POMT2: variants seen among roughly 807,000 people sequenced by gnomAD.
The protein encoded by POMT2 is protein O-mannosyl-transferase 2.
In POMT2, 75 loss-of-function variants were observed where a neutral mutation model predicts 100.0. The ratio of observed to expected loss-of-function variants is 0.75; its 90% confidence interval spans 0.62 to 0.91. The LOEUF (loss-of-function observed/expected upper bound fraction) is 0.91, where lower values mean the gene tolerates loss of function less well. Ranked by LOEUF, POMT2 falls within the 40% of genes least tolerant of loss-of-function variation. POMT2 has a pLI of 0.00. For synonymous variants in POMT2, 378 were observed against 374.1 expected, an observed-to-expected ratio of 1.01 and a Z score of -0.12; for missense variants, 940 against 955.1, an observed-to-expected ratio of 0.98 and a Z score of 0.21.
At chr14:77,279,769 T>G (rs11625197) in intron 18 of POMT2, 54 bp downstream of exon 18, 1 of 1,551,078 alleles carries the variant, frequency 6.4e-7, no homozygotes, top group Non-Finnish European at 8.8e-7. Flanking sequence ...TCCCCAGGGG[T>G]GCAGGTGCCC....
intron 2 of POMT2, chr14:77,306,788 G>A (rs1369467013): frequency 6.1e-6 from 2 of 327,486 alleles, no homozygotes; most frequent in Admixed American, 8.6e-5. Flanking sequence ...ATAAAACACG[G>A]CAGCTCTTGG....
chr14:77,279,951 A>G (rs1283571411), intron 17 of POMT2, 23 bp from the exon 18 acceptor site: 3 of 1,614,062 alleles, frequency 1.9e-6, no homozygotes, highest in Non-Finnish European at 1.7e-6. Context: ...GGGAATGGGC[A>G]GATGAGAACG....
intron 9 of POMT2, among the ~76,000 whole-genome samples, chr14:77,293,558 C>T (rs59873394): frequency 6.6e-6 from 1 of 152,088 alleles, no homozygotes; most frequent in Admixed American, 6.5e-5. Context: ...TTTATAAATG[C>T]TATGCTTTAA....
intron 11 of POMT2, 97 bp downstream of exon 11, chr14:77,288,665 G>C: frequency 2.9e-6 from 3 of 1,038,006 alleles, no homozygotes; most frequent in East Asian, 2.6e-5. Context: ...CCATTGACCA[G>C]AGCCTCATCA....
chr14:77,297,195 G>C (rs1890863711), intron 8 of POMT2, among the ~76,000 whole-genome samples: 1 of 152,170 alleles, frequency 6.6e-6, no homozygotes, highest in Non-Finnish European at 1.5e-5. Flanking sequence ...TGAGTTCTCA[G>C]GCAGGCCAAC....
At chr14:77,287,812 C>A (rs1413834538) in intron 11 of POMT2, 1 of 152,094 alleles carries the variant, frequency 6.6e-6, no homozygotes, top group Non-Finnish European at 1.5e-5. Context: ...GGAGACACGA[C>A]CAATCTAGGA....
Position 77,288,792 on chromosome 14 carries a change from T to A in POMT2, c.1223A>T (p.His408Leu). 2 of 1,613,972 alleles carry A rather than the reference T, an allele frequency of 1.2e-6. No individual in the cohort carries two copies. Among genetic ancestry groups the A allele is most frequent in the Non-Finnish European group, 1.7e-6 (2 of 1,179,928 alleles). ...DPSFPVEFVR[H>L]GDIIRLEHKE... ...GTGTTCTAGTCGAATAATGTCTCCA[T>A]GTCTTACAAACTCCACTGGGAAGGA... The change falls in exon 11 of 21, where the codon CAT becomes CTT. Residue 408 changes from histidine (H) to leucine (L), a missense_variant. Transcript: ENST00000261534.
chr14:77,300,412 T>C (rs1187590157), intron 6 of POMT2: 2 of 154,730 alleles, frequency 1.3e-5, no homozygotes, highest in Non-Finnish European at 2.9e-5. Context: ...AATGAGATAA[T>C]GAAGGTAAAG....
intron 8 of POMT2, among the ~76,000 whole-genome samples, chr14:77,298,375 G>A (rs967203995): frequency 6.6e-6 from 1 of 152,176 alleles, no homozygotes; most frequent in Admixed American, 6.5e-5. Context: ...AAAGCGGTGC[G>A]GGAAACCAAA....
chr14:77,286,997 G>A (rs1890448679), intron 11 of POMT2, 175 bp from the exon 12 acceptor site: 2 of 1,336,774 alleles, frequency 1.5e-6, no homozygotes. Context: ...AATATCCTGA[G>A]AACTGGAGAA....
chr14:77,310,503 C>A (rs1238257439), intron 2 of POMT2, among the ~76,000 whole-genome samples: 1 of 152,172 alleles, frequency 6.6e-6, no homozygotes, highest in Non-Finnish European at 1.5e-5. Flanking sequence ...ATGTTCTACA[C>A]TTTTCTTGGG....
In POMT2 at chr14:77,276,094, T is replaced by C. The variant is rs1889936607; in HGVS notation, c.*1282A>G. On this transcript the variant is annotated 3_prime_UTR_variant, in exon 21 of 21. Transcript: ENST00000261534. ...AAAGTCCTCTGAGACAAAAGAAATA[T>C]TTTGTCATGCACCAGGAAGGTGGAG... 1 of 152,466 alleles carries C rather than the reference T, an allele frequency of 6.6e-6. No individual in the cohort carries two copies. The highest frequency in any genetic ancestry group is 2.1e-4 in the South Asian group (1 of 4,828). The allele number at this position is 152,466 out of a possible 1,614,324, so 9.4% of individuals were successfully genotyped here. A position where few individuals can be genotyped will look rare whatever the true frequency, so the allele number is the denominator to read the frequency against.
At chr14:77,288,068 T>G (rs1890500182) in intron 11 of POMT2, among the ~76,000 whole-genome samples, 2 of 152,180 alleles carry the variant, frequency 1.3e-5, no homozygotes, top group South Asian at 4.1e-4. Flanking sequence ...ACTTAATAAA[T>G]TTACCACTTT....
chr14:77,282,107 C>A (rs922058327), intron 15 of POMT2, among the ~76,000 whole-genome samples: 9 of 152,268 alleles, frequency 5.9e-5, no homozygotes, highest in African/African-American at 2.2e-4. Context: ...TGGACCCCTG[C>A]GGCAGTTGCT....
chr14:77,318,188 C>G (rs1490860422), intron 1 of POMT2, among the ~76,000 whole-genome samples: 1 of 152,114 alleles, frequency 6.6e-6, no homozygotes, highest in Non-Finnish European at 1.5e-5. Flanking sequence ...TCTCTTTGTC[C>G]CTATCCAGCA....
chr14:77,300,850 C>A, intron 6 of POMT2: 22 of 467,352 alleles, frequency 4.7e-5, no homozygotes, highest in East Asian at 9.5e-5. Flanking sequence ...CATTATAAAA[C>A]AAATGCAAAA....
At chr14:77,301,368 G>A in intron 5 of POMT2, 119 bp from the exon 6 acceptor site, 1 of 1,343,026 alleles carries the variant, frequency 7.4e-7, no homozygotes, top group Non-Finnish European at 1.0e-6. Context: ...TGTCTTGGGG[G>A]CTCTTAGCCT....
rs1469258509 is a variant in POMT2 at position 77,275,114 on chromosome 14, C to A, written c.*2262G>T. 1.3e-5 allele frequency: 2 copies of A among 152,138 alleles called. No homozygotes were observed. The highest frequency in any genetic ancestry group is 2.9e-5 in the Non-Finnish European group (2 of 68,038). 9.4% of individuals were successfully genotyped at this position (152,138 alleles called of 1,614,324 possible). A position where few individuals can be genotyped will look rare whatever the true frequency, so the allele number is the denominator to read the frequency against. The stretch of plus-strand genomic sequence containing the variant: ...TTTGTGGGACACATCACGTTTCTGC[C>A]AAGTGCTACAGCTGAAGCCCATATT... On this transcript the variant is annotated 3_prime_UTR_variant, in exon 21 of 21. Transcript: ENST00000261534.
At chr14:77,293,726 T>C (rs1244852696) in intron 9 of POMT2, among the ~76,000 whole-genome samples, 2 of 152,226 alleles carry the variant, frequency 1.3e-5, no homozygotes, top group African/African-American at 4.8e-5. Context: ...CCAGACACTT[T>C]CGTCCCTTGG....
Sources: gnomAD v4.1 joint callset for allele counts (sites outside exome capture counted in the v4.1 genomes callset) on GRCh38, gnomAD v4.1.1 for gene constraint, MANE v1.5 for transcripts, NCBI Gene and HGNC (gene_info 2026-07-23, HGNC 2026-07-21) for gene names.